Variants in C16orf96 observed in about 807,000 individuals in gnomAD.
C16orf96 encodes chromosome 16 open reading frame 96.
C16orf96 carries 108 observed loss-of-function variants against 103.6 expected under a neutral mutation model. That is an observed-to-expected ratio of 1.04 (90% confidence interval 0.89 to 1.22). The LOEUF (loss-of-function observed/expected upper bound fraction) is 1.22, where lower values mean the gene tolerates loss of function less well. C16orf96 is among the 50% of genes most tolerant of loss of function. The pLI is 0.00. For synonymous variants in C16orf96, 566 were observed against 593.5 expected (o/e 0.95, Z 0.67); for missense variants, 1,586 against 1,464.2 (o/e 1.08, Z -1.36).
intron 15 of C16orf96, 48 bp downstream of exon 15, chr16:4,599,412 T>G (rs1484513350): frequency 6.8e-7 from 1 of 1,476,340 alleles, no homozygotes; most frequent in South Asian, 1.2e-5. Context: ...TCTGGAAGGG[T>G]CTCCAGTCCC....
intron 1 of C16orf96, chr16:4,560,399 A>C (rs1343432252): frequency 6.6e-6 from 1 of 151,990 alleles, no homozygotes; most frequent in African/African-American, 2.4e-5. Context: ...ACGCGGTTTC[A>C]CCATGTTGGC....
At chr16:4,562,506 C>A (rs889881509) in intron 1 of C16orf96, among the ~76,000 whole-genome samples, 3 of 148,186 alleles carry the variant, frequency 2.0e-5, no homozygotes, top group Non-Finnish European at 4.5e-5. Context: ...AGTGCAAGTT[C>A]TTTTATATAT....
At chr16:4,554,445 G>C (rs990094381), upstream of C16orf96, among the ~76,000 whole-genome samples, 1 of 151,796 alleles carries the variant, frequency 6.6e-6, no homozygotes, top group East Asian at 1.9e-4. Flanking sequence ...CCGCCTCCCA[G>C]ATTCAAACGA....
intron 1 of C16orf96, among the ~76,000 whole-genome samples, chr16:4,570,322 A>G (rs1188228970): frequency 6.6e-6 from 1 of 152,066 alleles, no homozygotes. Flanking sequence ...TTACACTTTC[A>G]GTTCTGTCAG....
At chr16:4,548,310 G>A in the C16orf96 span, among the ~76,000 whole-genome samples, 1 of 152,130 alleles carries the variant, frequency 6.6e-6, no homozygotes, top group Non-Finnish European at 1.5e-5. Context: ...TCTGCAGAAC[G>A]CAGCTCCTCC....
rs1024081690 is a variant in C16orf96 at position 4,576,554 on chromosome 16, C to A, written c.2074C>A (p.Gln692Lys). 6.4e-7 allele frequency: 1 copy of A among 1,551,504 alleles called. No homozygotes were observed. Among genetic ancestry groups the A allele is most frequent in the Admixed American group, 2.0e-5 (1 of 51,000 alleles). The change falls in exon 5 of 16, where the codon CAG (glutamine) becomes AAG (lysine). Residue 692 changes from glutamine to lysine, a missense_variant. Transcript: ENST00000444310. ...CAAGTATTCCATGAGCCACATAGCC[C>A]AGATACCTGTCAAACACGACTCTCT... ...AVKYSMSHIA[Q>K]IPVKHDSLKE...
At chr16:4,595,290 G>A (rs905451199) in intron 14 of C16orf96, among the ~76,000 whole-genome samples, 2 of 152,208 alleles carry the variant, frequency 1.3e-5, no homozygotes, top group Non-Finnish European at 2.9e-5. Context: ...TCAGGACGCC[G>A]AGTCTCCCTG....
rs1004919534 is a variant in C16orf96 at position 4,576,233 on chromosome 16, G to A, written c.1753G>A (p.Ala585Thr). 1.5e-5 allele frequency: 24 copies of A among 1,550,622 alleles called. No homozygotes were observed. The highest frequency in any genetic ancestry group is 6.8e-5 in the African/African-American group (5 of 73,060). ...AAAYAAATSS[A>T]AQAAKVAAKF... is the part of the protein sequence containing the mutation. ...AGCCTACGCCGCTGCCACATCCTCC[G>A]CTGCCCAGGCAGCCAAAGTTGCTGC... The change falls in exon 5 of 16, where the codon GCT (alanine) becomes ACT (threonine). Residue 585 changes from alanine to threonine, a missense_variant. Ala to Thr is a moderately conservative substitution (Grantham distance 58, BLOSUM62 0). Coordinates refer to ENST00000444310, the MANE Select transcript of C16orf96 (RefSeq NM_001145011.2).
chr16:4,589,175 A>C (rs1896999362), intron 9 of C16orf96, among the ~76,000 whole-genome samples: 1 of 152,106 alleles, frequency 6.6e-6, no homozygotes, highest in Non-Finnish European at 1.5e-5. Context: ...CGCCAACCAT[A>C]CCTCTTGGTA....
At chr16:4,574,877 G>T (rs2059481284) in intron 3 of C16orf96, 88 bp downstream of exon 3, 1 of 1,522,456 alleles carries the variant, frequency 6.6e-7, no homozygotes, top group African/African-American at 1.4e-5. Context: ...GGAGGTGCAA[G>T]GAGGAGAACA....
At chr16:4,540,215 G>C in the C16orf96 span, among the ~76,000 whole-genome samples, 1 of 152,238 alleles carries the variant, frequency 6.6e-6, no homozygotes, top group Non-Finnish European at 1.5e-5. Context: ...GTGAAGGAGA[G>C]GAAGGGACGC....
intron 7 of C16orf96, among the ~76,000 whole-genome samples, chr16:4,581,762 T>C (rs1163599588): frequency 6.6e-6 from 1 of 151,744 alleles, no homozygotes; most frequent in African/African-American, 2.4e-5. Context: ...GTTCAAGACT[T>C]GGCCAACAGA....
intron 11 of C16orf96, 68 bp downstream of exon 11, chr16:4,592,435 C>T (rs1897081443): frequency 4.0e-6 from 6 of 1,494,500 alleles, no homozygotes; most frequent in Middle Eastern, 1.7e-4. Flanking sequence ...CATCTCCGTG[C>T]ACCTCCATGT....
Position 4,575,914 on chromosome 16 carries a change from C to A in C16orf96, c.1434C>A (p.Ala478=). ...GGGAGAGGGCCCGCAAGGATGGGGC[C>A]CCCAAGGATAGAACTCGCAAGGATG... is the stretch of plus-strand genomic sequence containing the variant. ...GLRERARKDG[A]PKDRTRKDGV... Residue 478 remains alanine (A), a synonymous_variant, in exon 5 of 16, where the codon GCC becomes GCA. Coordinates refer to ENST00000444310, the MANE Select transcript of C16orf96 (RefSeq NM_001145011.2). 3 of 1,551,520 alleles carry A rather than the reference C, an allele frequency of 1.9e-6. No individual in the cohort carries two copies. The highest frequency in any genetic ancestry group is 2.6e-6 in the Non-Finnish European group (3 of 1,146,976).
In C16orf96 at chr16:4,583,548, C is replaced by G. The variant is rs547044229; in HGVS notation, c.2352+3423C>G. The stretch of plus-strand genomic sequence containing the variant: ...AAAATACAGTCTTAGGATTTTGAAC[C>G]ACACAAATGGTTTGTATTACCAATA... On this transcript the variant is annotated intron_variant, in intron 7 of 15. Transcript: ENST00000444310. Among the ~76,000 whole-genome samples, 45 of 151,858 alleles carry G rather than the reference C, an allele frequency of 3.0e-4. 1 individual carries two copies. The East Asian group carries it at 7.6e-3, about 26-fold the overall frequency.
Position 4,559,745 on chromosome 16 carries a change from A to G in C16orf96, c.420+2836A>G, listed in dbSNP as rs28893888. ...CATCACCCTGAAAGGAAAAAACCCTATTTCCCCTTTACTTCTCCTCCCTGC... is the reference window on the plus strand; with the variant it reads ...CATCACCCTGAAAGGAAAAAACCCTGTTTCCCCTTTACTTCTCCTCCCTGC... On this transcript the variant is annotated intron_variant, in intron 1 of 15. Coordinates refer to ENST00000444310, the MANE Select transcript of C16orf96 (RefSeq NM_001145011.2). Among the ~76,000 whole-genome samples, 535 of 152,032 alleles carry G rather than the reference A, an allele frequency of 3.5e-3. 6 individuals are homozygous for G. The highest frequency in any genetic ancestry group is 0.012 in the African/African-American group (513 of 41,468).
chr16:4,595,676 A>C (rs1243614136), intron 14 of C16orf96, among the ~76,000 whole-genome samples: 3 of 143,388 alleles, frequency 2.1e-5, no homozygotes, highest in African/African-American at 7.6e-5. Context: ...CTCCACCTGC[A>C]GAAATTCTGG....
At chr16:4,571,925 C>T (rs369351352) in intron 2 of C16orf96, among the ~76,000 whole-genome samples, 3 of 151,520 alleles carry the variant, frequency 2.0e-5, no homozygotes, top group South Asian at 2.1e-4. Flanking sequence ...TCTTGGCTCA[C>T]GGCAACCTCT....
chr16:4,583,751 T>G (rs935213799), intron 7 of C16orf96, among the ~76,000 whole-genome samples: 2 of 151,344 alleles, frequency 1.3e-5, no homozygotes, highest in African/African-American at 4.9e-5. Context: ...GGTGAAACCG[T>G]GTCTCTACTA....
Sources: gnomAD v4.1 joint callset for allele counts (sites outside exome capture counted in the v4.1 genomes callset) on GRCh38, gnomAD v4.1.1 for gene constraint, MANE v1.5 for transcripts, NCBI Gene and HGNC (gene_info 2026-07-23, HGNC 2026-07-21) for gene names.